The following FBXL17 variants were observed in gnomAD, a reference collection of about 807,000 sequenced individuals.
FBXL17 encodes F-box/LRR-repeat protein 17.
FBXL17 carries 22 observed loss-of-function variants against 66.2 expected under a neutral mutation model. The observed-to-expected ratio is 0.33, with a 90% CI of 0.24 to 0.47. The LOEUF (loss-of-function observed/expected upper bound fraction) is 0.47. FBXL17 is among the 20% of genes least tolerant of loss of function. The pLI is 1.00. For missense variants in FBXL17, 878 were observed against 948.2 expected (o/e 0.93, Z 0.97); for synonymous variants, 474 against 400.5 (o/e 1.18, Z -2.19).
At chr5:108,360,940 A>G (rs1274508904) in intron 3 of FBXL17, among the ~76,000 whole-genome samples, 1 of 152,048 alleles carries the variant, frequency 6.6e-6, no homozygotes, top group East Asian at 1.9e-4. Context: ...CATAATTTCT[A>G]GCTCTTCATT....
chr5:107,887,954 C>T (rs374828445), intron 7 of FBXL17, among the ~76,000 whole-genome samples: 2 of 152,160 alleles, frequency 1.3e-5, no homozygotes, highest in Admixed American at 1.3e-4. Context: ...CTAATGTGTT[C>T]TGACACTTTA....
rs899112311 is a variant in FBXL17 at position 108,291,704 on chromosome 5, G to A, written c.1506+56695C>T. On this transcript the variant is annotated intron_variant, in intron 4 of 8. Coordinates refer to ENST00000542267, the MANE Select transcript of FBXL17 (RefSeq NM_001163315.3). Reference sequence around the variant, plus strand: ...AGACATTCCTAACCAAGTGTTCTCCGACATCTCAAATGAGACATGTTTACT... The same window carrying A: ...AGACATTCCTAACCAAGTGTTCTCCAACATCTCAAATGAGACATGTTTACT... 3.9e-5 allele frequency among the ~76,000 whole-genome samples: 6 copies of A among 152,250 alleles called. No homozygotes were observed. The South Asian group carries it at 6.2e-4, about 16-fold the overall frequency.
intron 4 of FBXL17, among the ~76,000 whole-genome samples, chr5:108,261,603 G>A (rs1189463634): frequency 2.6e-5 from 4 of 152,044 alleles, no homozygotes; most frequent in Admixed American, 1.3e-4. Flanking sequence ...CAAGGCCACA[G>A]AAGGTTTGCC....
At chr5:107,955,436 T>C (rs1751631355) in intron 7 of FBXL17, among the ~76,000 whole-genome samples, 1 of 152,170 alleles carries the variant, frequency 6.6e-6, no homozygotes, top group Non-Finnish European at 1.5e-5. Context: ...CAAAGTGATC[T>C]GAAACCCTCT....
At chr5:108,305,255 TGAG>T (rs1403770648) in intron 4 of FBXL17, among the ~76,000 whole-genome samples, 2 of 152,042 alleles carry the variant, frequency 1.3e-5, no homozygotes, top group Non-Finnish European at 2.9e-5. Context: ...AGCTGAATGA[TGAG>T]AACACACAGA....
At position 108,348,597 on chromosome 5, in the gene FBXL17, T is replaced by C. The variant is rs943487071; in HGVS notation, c.1375-67A>G. 13 of 1,518,842 alleles carry C rather than the reference T, an allele frequency of 8.6e-6. No individual in the cohort carries two copies. In the Admixed American group the frequency reaches 2.3e-4, roughly 27 times the overall value. 94.1% of individuals were successfully genotyped at this position (1,518,842 alleles called of 1,614,324 possible). ...AAGGCAACATATTTCAAGTGAGATTTTCATATAATTTTTTGAAAATAACCA... is the reference window on the plus strand; with the variant it reads ...AAGGCAACATATTTCAAGTGAGATTCTCATATAATTTTTTGAAAATAACCA... On this transcript the variant is annotated intron_variant, in intron 3 of 8. Coordinates refer to ENST00000542267, the MANE Select transcript of FBXL17 (RefSeq NM_001163315.3).
intron 7 of FBXL17, among the ~76,000 whole-genome samples, chr5:107,943,665 C>G (rs535066081): frequency 4.8e-4 from 73 of 151,960 alleles, no homozygotes; most frequent in African/African-American, 1.8e-3. Flanking sequence ...GGTGCAGGGT[C>G]AAATCTGGCC....
At chr5:107,886,661 G>C (rs905385637) in intron 7 of FBXL17, among the ~76,000 whole-genome samples, 4 of 152,000 alleles carry the variant, frequency 2.6e-5, no homozygotes, top group Admixed American at 2.6e-4. Context: ...GGAACAATCT[G>C]AGCATCAAAA....
chr5:107,860,453 T>C lies in FBXL17; in HGVS notation c.*1267A>G, dbSNP rs768993646. 4 of 152,664 alleles carry C rather than the reference T, an allele frequency of 2.6e-5. No individual in the cohort carries two copies. The highest frequency in any genetic ancestry group is 4.4e-5 in the Non-Finnish European group (3 of 68,036). The allele number at this position is 152,664 out of a possible 1,614,324, so 9.5% of individuals were successfully genotyped here. On this transcript the variant is annotated 3_prime_UTR_variant, in exon 9 of 9. Coordinates refer to ENST00000542267, the MANE Select transcript of FBXL17 (RefSeq NM_001163315.3). ...CCCTATTATGAATTAATTGTAAAGATGTGTTAAATCAAAACATATATTCAT... is the reference window on the plus strand; with the variant it reads ...CCCTATTATGAATTAATTGTAAAGACGTGTTAAATCAAAACATATATTCAT...
chr5:108,341,135 G>A (rs1282874495), intron 4 of FBXL17, among the ~76,000 whole-genome samples: 1 of 151,934 alleles, frequency 6.6e-6, no homozygotes, highest in East Asian at 1.9e-4. Flanking sequence ...ATAACCCAGA[G>A]ATTTATACAT....
intron 3 of FBXL17, among the ~76,000 whole-genome samples, chr5:108,353,127 G>T (rs1379091887): frequency 6.6e-6 from 1 of 152,150 alleles, no homozygotes; most frequent in Non-Finnish European, 1.5e-5. Context: ...TTTCAGTCTG[G>T]CATGTAAGGA....
intron 7 of FBXL17, among the ~76,000 whole-genome samples, chr5:107,962,920 C>A (rs2112631717): frequency 6.6e-6 from 1 of 152,056 alleles, no homozygotes; most frequent in East Asian, 1.9e-4. Flanking sequence ...CAATGCATAC[C>A]ACCCAAATCT....
At chr5:107,985,149 G>A (rs1752969422) in intron 7 of FBXL17, among the ~76,000 whole-genome samples, 3 of 152,286 alleles carry the variant, frequency 2.0e-5, no homozygotes, top group Non-Finnish European at 4.4e-5. Flanking sequence ...GCAATCCACT[G>A]TTCTTAACAT....
At chr5:108,213,429 G>A (rs1754462944) in intron 5 of FBXL17, among the ~76,000 whole-genome samples, 2 of 152,184 alleles carry the variant, frequency 1.3e-5, no homozygotes, top group Admixed American at 1.3e-4. Context: ...GGTGGCATAG[G>A]CACCGCAGGG....
intron 6 of FBXL17, among the ~76,000 whole-genome samples, chr5:108,129,378 A>G (rs1293625095): frequency 6.6e-6 from 1 of 152,078 alleles, no homozygotes; most frequent in East Asian, 1.9e-4. Context: ...TTGCATACAC[A>G]TATTTCTAAG....
At chr5:108,268,366 G>A (rs935720893) in intron 4 of FBXL17, among the ~76,000 whole-genome samples, 5 of 151,776 alleles carry the variant, frequency 3.3e-5, no homozygotes, top group East Asian at 1.9e-4. Flanking sequence ...TTTTACTTTC[G>A]AAGCATTTTA....
intron 4 of FBXL17, among the ~76,000 whole-genome samples, chr5:108,278,565 C>A (rs1757575196): frequency 6.6e-6 from 1 of 152,194 alleles, no homozygotes; most frequent in South Asian, 2.1e-4. Flanking sequence ...TTGAGCTTGG[C>A]AGGGGCTCCA....
intron 6 of FBXL17, among the ~76,000 whole-genome samples, chr5:108,064,471 A>G (rs1748041799): frequency 6.6e-6 from 1 of 152,130 alleles, no homozygotes; most frequent in Non-Finnish European, 1.5e-5. Flanking sequence ...GGAGATGCCA[A>G]GGGAGGGTGC....
intron 7 of FBXL17, among the ~76,000 whole-genome samples, chr5:107,930,083 T>C (rs1750680369): frequency 6.6e-6 from 1 of 152,140 alleles, no homozygotes. Flanking sequence ...AACCATTCTG[T>C]ACACAGCCGC....
Sources: gnomAD v4.1 joint callset for allele counts (sites outside exome capture counted in the v4.1 genomes callset) on GRCh38, gnomAD v4.1.1 for gene constraint, MANE v1.5 for transcripts, NCBI Gene and HGNC (gene_info 2026-07-23, HGNC 2026-07-21) for gene names.